NLRP12: variants seen among roughly 807,000 people sequenced by gnomAD.
NLRP12 encodes the protein NACHT, LRR and PYD domains-containing protein 12.
In NLRP12, 108 loss-of-function variants were observed where a neutral mutation model predicts 91.2. The observed-to-expected ratio is 1.18, with a 90% CI of 1.01 to 1.39. The LOEUF (loss-of-function observed/expected upper bound fraction) is 1.39, where lower values mean the gene tolerates loss of function less well. NLRP12 is among the 40% of genes most tolerant of loss of function. The probability of loss-of-function intolerance (pLI) is 0.00; values close to 1 mark genes in which losing one functional copy is unlikely to be tolerated. For synonymous variants in NLRP12, 613 were observed against 566.7 expected, an observed-to-expected ratio of 1.08 and a Z score of -1.16; for missense variants, 1,530 against 1,352.7, an observed-to-expected ratio of 1.13 and a Z score of -2.06.
chr19:53,823,251 T>C (rs1361454631), intron 1 of NLRP12, among the ~76,000 whole-genome samples: 2 of 137,098 alleles, frequency 1.5e-5, no homozygotes, highest in Non-Finnish European at 3.2e-5. Flanking sequence ...ATTTAATATA[T>C]AATATTTATT....
chr19:53,807,348 G>C lies in NLRP12; in HGVS notation c.2243+147C>G, dbSNP rs550638615. On this transcript the variant is annotated intron_variant, in intron 4 of 9. Transcript: ENST00000324134. ...CTGTCAACATACTGGGATTACAGAC[G>C]TGAGCCACGGCACCTGGCTTTGTGA... The C allele has an allele frequency of 4.0e-6, 3 of 759,460 alleles. No individual in the cohort carries two copies. The African/African-American group carries it at 5.2e-5, about 13-fold the overall frequency. 47.0% of individuals were successfully genotyped at this position (759,460 alleles called of 1,614,324 possible). A position where few individuals can be genotyped will look rare whatever the true frequency, so the allele number is the denominator to read the frequency against.
intron 8 of NLRP12, among the ~76,000 whole-genome samples, chr19:53,797,412 T>A (rs8103827): frequency 6.6e-6 from 1 of 151,954 alleles, no homozygotes; most frequent in Admixed American, 6.6e-5. Context: ...CATGAGCCAC[T>A]GTGCCCGGCC....
chr19:53,799,326 G>A lies in NLRP12; in HGVS notation c.2757-913C>T, dbSNP rs916790817. On this transcript the variant is annotated intron_variant, in intron 7 of 9. Coordinates refer to ENST00000324134, the MANE Select transcript of NLRP12 (RefSeq NM_144687.4). ...CGCCCAGCCGCGTGTGTGATTTTTT[G>A]TTTTTTGTTTTTTGCTGGTGCCTTG... Among the ~76,000 whole-genome samples, 21 of 151,598 alleles carry A rather than the reference G, an allele frequency of 1.4e-4. 1 individual carries two copies. Among genetic ancestry groups the A allele is most frequent in the African/African-American group, 4.1e-4 (17 of 41,250 alleles).
At chr19:53,818,969 TCA>T (rs1313189649) in intron 1 of NLRP12, among the ~76,000 whole-genome samples, 1 of 152,098 alleles carries the variant, frequency 6.6e-6, no homozygotes, top group African/African-American at 2.4e-5. Context: ...TTCTCCAGCA[TCA>T]CACAGACAGA....
intron 1 of NLRP12, among the ~76,000 whole-genome samples, chr19:53,816,450 G>A (rs1480540832): frequency 1.3e-5 from 2 of 151,674 alleles, no homozygotes; most frequent in African/African-American, 4.8e-5. Flanking sequence ...GAGTCTGTGT[G>A]ACTAATAAAC....
chr19:53,795,354 G>A (rs2091734310), intron 9 of NLRP12, among the ~76,000 whole-genome samples: 1 of 149,558 alleles, frequency 6.7e-6, no homozygotes, highest in Non-Finnish European at 1.5e-5. Flanking sequence ...GGTGAGCCAC[G>A]ATGGTCCCCT....
intron 1 of NLRP12, among the ~76,000 whole-genome samples, chr19:53,817,162 C>T (rs1171596291): frequency 6.6e-6 from 1 of 151,950 alleles, no homozygotes; most frequent in Non-Finnish European, 1.5e-5. Flanking sequence ...GGCATGGTGG[C>T]AGGCACCTGT....
rs376130963 is a variant in NLRP12 at position 53,819,629 on chromosome 19, G to T, written c.289+4257C>A. ...TATATGTATGTATACGTATATACGC[G>T]TATATATGTATGTATACGTATATAT... On this transcript the variant is annotated intron_variant, in intron 1 of 9. Transcript: ENST00000324134. Among the ~76,000 whole-genome samples, 19 of 42,720 alleles carry T rather than the reference G, an allele frequency of 4.4e-4. 5 individuals carry two copies. The South Asian group carries it at 0.012, about 28-fold the overall frequency. The allele number at this position is 42,720 out of a possible 152,430, so 28.0% of individuals were successfully genotyped here.
chr19:53,814,359 CTTTTT>C (rs896797854), intron 2 of NLRP12, among the ~76,000 whole-genome samples: 1 of 150,644 alleles, frequency 6.6e-6, no homozygotes, highest in Non-Finnish European at 1.5e-5. Context: ...CCTTTCTTTG[CTTTTT>C]TTTTAAGAGA....
rs759713074 is a variant in NLRP12, at chr19:53,810,954, C to T, written c.705G>A (p.Ala235=). 17 of 1,614,030 alleles carry T rather than the reference C, an allele frequency of 1.1e-5. No homozygotes were observed. The highest frequency in any genetic ancestry group is 2.2e-5 in the South Asian group (2 of 91,092). Reference sequence around the variant, plus strand: ...ATCTGCCTTGGAAGAGCTTCCCGTCCGCCCAGTCCAGCATCACCTTGTGTG... The same window carrying T: ...ATCTGCCTTGGAAGAGCTTCCCGTCTGCCCAGTCCAGCATCACCTTGTGTG... The part of the protein sequence containing the change: ...MLAHKVMLDW[A]DGKLFQGRFD... The change falls in exon 3 of 10, where the codon GCG becomes GCA. Residue 235 remains alanine, a synonymous_variant. Coordinates refer to ENST00000324134, the MANE Select transcript of NLRP12 (RefSeq NM_144687.4).
rs577062249 is a variant in NLRP12 at position 53,802,629 on chromosome 19, C to T, written c.2586-1232G>A. On this transcript the variant is annotated intron_variant, in intron 6 of 9. Coordinates refer to ENST00000324134, the MANE Select transcript of NLRP12 (RefSeq NM_144687.4). Reference sequence around the variant, plus strand: ...GGTCGAGGCAGGAGAATGGTGTGAACCCGGGAGGCGGAGCTTGCAGTGAGC... The same window carrying T: ...GGTCGAGGCAGGAGAATGGTGTGAATCCGGGAGGCGGAGCTTGCAGTGAGC... Among the ~76,000 whole-genome samples the T allele has an allele frequency of 5.9e-5, 9 of 151,906 alleles. 1 individual carries two copies. The South Asian group carries it at 1.9e-3, about 32-fold the overall frequency.
At chr19:53,818,444 G>A (rs1010589923) in intron 1 of NLRP12, among the ~76,000 whole-genome samples, 2 of 152,016 alleles carry the variant, frequency 1.3e-5, no homozygotes, top group African/African-American at 4.8e-5. Context: ...GAGGTGGGTG[G>A]ATCATGAGGT....
chr19:53,804,352 T>A (rs910464930), intron 5 of NLRP12, among the ~76,000 whole-genome samples: 1 of 151,616 alleles, frequency 6.6e-6, no homozygotes, highest in Admixed American at 6.6e-5. Flanking sequence ...CCACCACACC[T>A]GCCTAATTTT....
rs1346092426 is a variant in NLRP12, at chr19:53,810,612, C to T, written c.1047G>A (p.Lys349=). Reference sequence around the variant, plus strand: ...TGGGGTGCTCCAGCAGACGGTGGAGCTTCTCCAAAGCCGTGGGCCGTGTGG... The same window carrying T: ...TGGGGTGCTCCAGCAGACGGTGGAGTTTCTCCAAAGCCGTGGGCCGTGTGG... ...LITTRPTALE[K]LHRLLEHPRH... Residue 349 remains lysine, a synonymous_variant, in exon 3 of 10, where the codon AAG becomes AAA. Transcript: ENST00000324134. 2.5e-6 allele frequency: 4 copies of T among 1,614,124 alleles called. No homozygotes were observed. The South Asian group carries it at 4.4e-5, about 18-fold the overall frequency.
At chr19:53,802,881 C>A (rs2091897872) in intron 6 of NLRP12, among the ~76,000 whole-genome samples, 1 of 152,088 alleles carries the variant, frequency 6.6e-6, no homozygotes, top group Non-Finnish European at 1.5e-5. Flanking sequence ...TCCTGAATAG[C>A]TGGGACTCCA....
At chr19:53,811,428 C>A in intron 2 of NLRP12, 140 bp from the exon 3 acceptor site, 1 of 943,056 alleles carries the variant, frequency 1.1e-6, no homozygotes, top group East Asian at 2.5e-5. Flanking sequence ...ATGGGAGAAT[C>A]ACTTGAACCC....
chr19:53,823,144 CGT>C (rs1318465021), intron 1 of NLRP12, among the ~76,000 whole-genome samples: 1 of 10,472 alleles, frequency 9.5e-5, no homozygotes, highest in Non-Finnish European at 3.0e-4. Context: ...CATATATATA[CGT>C]GTGTGTATAT....
chr19:53,809,470 G>A, intron 3 of NLRP12, 117 bp downstream of exon 3: 1 of 1,033,646 alleles, frequency 9.7e-7, no homozygotes, highest in Non-Finnish European at 1.4e-6. Flanking sequence ...GGCGGAGGTT[G>A]CAGTGAGCTG....
At chr19:53,801,432 G>A (rs1374519653) in intron 6 of NLRP12, 35 bp from the exon 7 acceptor site, 1 of 1,583,294 alleles carries the variant, frequency 6.3e-7, no homozygotes, top group East Asian at 2.3e-5. Flanking sequence ...CATTATGGAG[G>A]CTTTCCTTTC....
Sources: allele counts gnomAD v4.1 joint callset (sites outside exome capture counted in the v4.1 genomes callset), GRCh38; gene constraint gnomAD v4.1.1; transcripts MANE v1.5; gene names NCBI Gene and HGNC (gene_info 2026-07-23, HGNC 2026-07-21).